The following ZRANB3 variants were observed in gnomAD, a reference collection of about 807,000 sequenced individuals.
ZRANB3 encodes DNA annealing helicase and endonuclease ZRANB3.
A neutral mutation model predicts 133.8 loss-of-function variants in ZRANB3; 125 were observed. The ratio of observed to expected loss-of-function variants is 0.93; its 90% CI spans 0.81 to 1.08. The LOEUF (loss-of-function observed/expected upper bound fraction) is 1.08. Among genes scored for constraint, ZRANB3 ranks in the 50% least tolerant of loss-of-function variants. The pLI, the probability that ZRANB3 is intolerant of heterozygous loss-of-function variation, is 0.00. For missense variants in ZRANB3, 1,229 were observed against 1,275.5 expected, an observed-to-expected ratio of 0.96 and a Z score of 0.56; for synonymous variants, 387 against 432.7, an observed-to-expected ratio of 0.89 and a Z score of 1.31.
intron 8 of ZRANB3, among the ~76,000 whole-genome samples, chr2:135,281,867 C>G (rs935468825): frequency 5.9e-5 from 9 of 152,162 alleles, no homozygotes; most frequent in Admixed American, 5.9e-4. Flanking sequence ...ACCCCAGTTG[C>G]CCATCATTTC....
chr2:135,430,429 A>T lies in ZRANB3; in HGVS notation c.162-39609T>A, dbSNP rs750243960. 2.2e-4 allele frequency among the ~76,000 whole-genome samples: 33 copies of T among 152,020 alleles called. 2 individuals are homozygous for T. The highest frequency in any genetic ancestry group is 6.8e-3 in the Middle Eastern group (2 of 294). On this transcript the variant is annotated intron_variant, in intron 2 of 20. Transcript: ENST00000264159. ...ACTTTCTAATATATTATAAAGTAAGAAGATTAAAAAAAAAAAACCCAAACA... is the reference window on the plus strand; with the variant it reads ...ACTTTCTAATATATTATAAAGTAAGTAGATTAAAAAAAAAAAACCCAAACA...
At position 135,200,404 on chromosome 2, in the gene ZRANB3, T is replaced by C. The variant is rs755703444; in HGVS notation, c.3178A>G (p.Arg1060Gly). 6.2e-7 allele frequency: 1 copy of C among 1,607,660 alleles called. No homozygotes were observed. Among genetic ancestry groups the C allele is most frequent in the East Asian group, 2.2e-5 (1 of 44,800 alleles). The stretch of plus-strand genomic sequence containing the variant: ...TGCTTTGATGCTAGAGATTGTCTTC[T>C]CACCTGGCTTCTTTCCTTAGCTTGT... ...ARQAKERSQV[R>G]RQSLASKHGS... The change falls in exon 21 of 21, where the codon AGA becomes GGA. Residue 1060 changes from arginine to glycine, a missense_variant. Transcript: ENST00000264159.
intron 15 of ZRANB3, among the ~76,000 whole-genome samples, chr2:135,221,065 C>T (rs1326095379): frequency 6.6e-6 from 1 of 151,928 alleles, no homozygotes; most frequent in Non-Finnish European, 1.5e-5. Context: ...CCATATTGGC[C>T]AGGCTGGTCA....
At chr2:135,427,703 TA>T (rs1315813914) in intron 2 of ZRANB3, among the ~76,000 whole-genome samples, 3 of 152,132 alleles carry the variant, frequency 2.0e-5, no homozygotes, top group African/African-American at 7.2e-5. Context: ...AGAGCTATTT[TA>T]AAATTCATAT....
At chr2:135,371,647 A>C (rs1558949650) in intron 3 of ZRANB3, among the ~76,000 whole-genome samples, 1 of 152,232 alleles carries the variant, frequency 6.6e-6, no homozygotes, top group Non-Finnish European at 1.5e-5. Flanking sequence ...GCTAGTGGTC[A>C]AGATAAATTT....
intron 2 of ZRANB3, among the ~76,000 whole-genome samples, chr2:135,402,784 C>T (rs1323854072): frequency 3.3e-5 from 5 of 152,106 alleles, no homozygotes; most frequent in African/African-American, 9.7e-5. Flanking sequence ...CGAGGTTGCA[C>T]CATGTTGGCC....
Position 135,224,419 on chromosome 2 carries a change from C to T in ZRANB3, c.2250+7G>A, listed in dbSNP as rs369583900. ...GTTTCAAGTTACAGAATCTGCATGA[C>T]GCTTACCTTAGTATAGATGTGAATC... On this transcript the variant is annotated splice_region_variant and intron_variant, in intron 15 of 20. Coordinates refer to ENST00000264159, the MANE Select transcript of ZRANB3 (RefSeq NM_032143.4). The T allele has an allele frequency of 2.8e-5, 45 of 1,594,038 alleles. No homozygotes were observed. Among genetic ancestry groups the T allele is most frequent in the African/African-American group, 8.1e-5 (6 of 74,506 alleles).
chr2:135,418,689 C>T (rs1428952475), intron 2 of ZRANB3, among the ~76,000 whole-genome samples: 2 of 151,862 alleles, frequency 1.3e-5, no homozygotes, highest in African/African-American at 2.4e-5. Context: ...CTGAAAATGA[C>T]GAAAGACTCA....
intron 6 of ZRANB3, among the ~76,000 whole-genome samples, chr2:135,343,716 AG>A (rs1350333791): frequency 6.7e-6 from 1 of 150,200 alleles, no homozygotes; most frequent in Non-Finnish European, 1.5e-5. Context: ...AGTAGACAGA[AG>A]GGCAAACAGC....
intron 12 of ZRANB3, among the ~76,000 whole-genome samples, chr2:135,246,158 C>G (rs1465070217): frequency 6.6e-6 from 1 of 150,718 alleles, no homozygotes; most frequent in Non-Finnish European, 1.5e-5. Context: ...CCTGCCTCAG[C>G]CTCCCAAAGT....
At chr2:135,338,136 A>G (rs981270663) in intron 6 of ZRANB3, among the ~76,000 whole-genome samples, 3 of 152,228 alleles carry the variant, frequency 2.0e-5, no homozygotes, top group Admixed American at 6.5e-5. Flanking sequence ...TTAGCAGATG[A>G]ATGATGTTAT....
chr2:135,275,789 T>C, intron 8 of ZRANB3, 34 bp from the exon 9 acceptor site: 1 of 1,431,456 alleles, frequency 7.0e-7, no homozygotes, highest in Non-Finnish European at 9.3e-7. Context: ...ATTAGTGTCA[T>C]AAAAATGATT....
At chr2:135,482,931 A>C (rs1408709639) in intron 2 of ZRANB3, among the ~76,000 whole-genome samples, 1 of 151,696 alleles carries the variant, frequency 6.6e-6, no homozygotes, top group South Asian at 2.1e-4. Context: ...ATTGATTTGC[A>C]TATATTGAAC....
chr2:135,287,839 T>C (rs1681460830), intron 8 of ZRANB3, among the ~76,000 whole-genome samples: 1 of 152,044 alleles, frequency 6.6e-6, no homozygotes, highest in South Asian at 2.1e-4. Context: ...TCTGGATGAG[T>C]CTTTAGGGTT....
intron 6 of ZRANB3, among the ~76,000 whole-genome samples, chr2:135,330,386 T>G (rs968456209): frequency 3.9e-5 from 6 of 152,244 alleles, no homozygotes; most frequent in Non-Finnish European, 8.8e-5. Flanking sequence ...GAACCAGGCT[T>G]GCATCCCAGG....
intron 2 of ZRANB3, among the ~76,000 whole-genome samples, chr2:135,435,022 T>C (rs1468725269): frequency 1.3e-5 from 2 of 151,988 alleles, no homozygotes; most frequent in Non-Finnish European, 2.9e-5. Context: ...TGGGGGTACA[T>C]GTGAAGGTTT....
At chr2:135,511,599 A>G in intron 1 of ZRANB3, 2 of 833,980 alleles carry the variant, frequency 2.4e-6, no homozygotes, top group African/African-American at 1.7e-5. Context: ...ACCCCTCAGG[A>G]GCAAGTACGA....
chr2:135,377,701 A>AAATG (rs1157188935), intron 3 of ZRANB3, among the ~76,000 whole-genome samples: 5 of 152,254 alleles, frequency 3.3e-5, no homozygotes, highest in African/African-American at 1.2e-4. Flanking sequence ...TTAAGTAAAT[A>AAATG]AATGAATGAA....
chr2:135,514,039 C>A (rs1230560253), intron 1 of ZRANB3, among the ~76,000 whole-genome samples: 2 of 152,188 alleles, frequency 1.3e-5, no homozygotes. Context: ...GTTACTGTAG[C>A]CTTGTAGCAC....
Sources: allele counts gnomAD v4.1 joint callset (sites outside exome capture counted in the v4.1 genomes callset), GRCh38; gene constraint gnomAD v4.1.1; transcripts MANE v1.5; gene names NCBI Gene and HGNC (gene_info 2026-07-23, HGNC 2026-07-21).